RPS6KA5: variants seen among roughly 807,000 people sequenced by gnomAD.
RPS6KA5 encodes the protein ribosomal protein S6 kinase A5.
A neutral mutation model predicts 85.5 loss-of-function variants in RPS6KA5; 27 were observed. That is an observed-to-expected ratio of 0.32 (90% CI 0.23 to 0.44). The LOEUF (loss-of-function observed/expected upper bound fraction) is 0.44. Among genes scored for constraint, RPS6KA5 ranks in the 20% least tolerant of loss-of-function variants. The pLI is 1.00. For synonymous variants in RPS6KA5, 334 were observed against 348.2 expected, an observed-to-expected ratio of 0.96 and a Z score of 0.46; for missense variants, 811 against 980.9, an observed-to-expected ratio of 0.83 and a Z score of 2.31.
At chr14:90,981,483 A>T (rs2039786757) in intron 2 of RPS6KA5, among the ~76,000 whole-genome samples, 1 of 152,244 alleles carries the variant, frequency 6.6e-6, no homozygotes, top group African/African-American at 2.4e-5. Flanking sequence ...TGCATGAAGT[A>T]GCATAGGATG....
At position 90,868,148 on chromosome 14, in the gene RPS6KA5, A is replaced by G. The variant is rs2032881414; in HGVS notation, c.*3926T>C. 1.3e-5 allele frequency: 2 copies of G among 152,236 alleles called. No individual in the cohort carries two copies. Among genetic ancestry groups the G allele is most frequent in the Admixed American group, 6.5e-5 (1 of 15,284 alleles). The allele number at this position is 152,236 out of a possible 1,614,324, so 9.4% of individuals were successfully genotyped here. On this transcript the variant is annotated 3_prime_UTR_variant, in exon 17 of 17. Coordinates refer to ENST00000614987, the MANE Select transcript of RPS6KA5 (RefSeq NM_004755.4). ...GAAGTTACTTAACAAAACAGGGAAT[A>G]AAACCTTTAATGTTGGCTGTAGCAG...
chr14:91,021,824 T>C (rs1021762618), intron 1 of RPS6KA5, among the ~76,000 whole-genome samples: 2 of 152,184 alleles, frequency 1.3e-5, no homozygotes, highest in Non-Finnish European at 1.5e-5. Flanking sequence ...TCTTTTTCTT[T>C]CTCTCTTTCT....
intron 1 of RPS6KA5, chr14:91,052,529 T>C (rs564388682): frequency 2.0e-5 from 4 of 202,538 alleles, no homozygotes; most frequent in East Asian, 1.8e-4. Flanking sequence ...ACTAATCAAA[T>C]AGATAAGATC....
chr14:91,045,421 G>A (rs2042829856), intron 1 of RPS6KA5, among the ~76,000 whole-genome samples: 3 of 152,004 alleles, frequency 2.0e-5, no homozygotes, highest in African/African-American at 4.8e-5. Context: ...CTGCCATCAT[G>A]CCTGGCTAAT....
At chr14:90,882,188 T>C (rs966463390) in intron 14 of RPS6KA5, among the ~76,000 whole-genome samples, 6 of 152,352 alleles carry the variant, frequency 3.9e-5, no homozygotes, top group Middle Eastern at 6.8e-3. Flanking sequence ...GGATTACATT[T>C]ACTATCCTAA....
chr14:90,875,135 A>C, intron 15 of RPS6KA5, 66 bp downstream of exon 15: 2 of 1,415,416 alleles, frequency 1.4e-6, no homozygotes, highest in Non-Finnish European at 1.9e-6. Flanking sequence ...ATGTATGTGT[A>C]ATGGCCATGA....
intron 3 of RPS6KA5, among the ~76,000 whole-genome samples, chr14:90,976,074 C>T (rs2039552682): frequency 6.6e-6 from 1 of 151,964 alleles, no homozygotes; most frequent in African/African-American, 2.4e-5. Flanking sequence ...TGATTAAGGA[C>T]TACTGTTTTC....
In RPS6KA5 at chr14:91,028,018, T is replaced by G. The variant is rs547426799; in HGVS notation, c.104-26859A>C. 2.6e-5 allele frequency among the ~76,000 whole-genome samples: 4 copies of G among 152,258 alleles called. No homozygotes were observed. In the South Asian group the frequency reaches 8.3e-4, roughly 32 times the overall value. On this transcript the variant is annotated intron_variant, in intron 1 of 16. Transcript: ENST00000614987. ...ATATAAAAACTACAATGACTTAACA[T>G]TAAAATCAAACATATCAAGTTCTAA...
At chr14:90,907,137 T>C (rs1051750826) in intron 7 of RPS6KA5, among the ~76,000 whole-genome samples, 1 of 152,178 alleles carries the variant, frequency 6.6e-6, no homozygotes, top group Non-Finnish European at 1.5e-5. Flanking sequence ...TTGACTGAAA[T>C]TAAGAACCTT....
intron 5 of RPS6KA5, among the ~76,000 whole-genome samples, chr14:90,929,111 TA>T: frequency 6.6e-6 from 1 of 152,014 alleles, no homozygotes; most frequent in South Asian, 2.1e-4. Flanking sequence ...AATTTACTTA[TA>T]ACAATAAAGA....
chr14:90,945,280 T>C (rs1320906173), intron 4 of RPS6KA5, among the ~76,000 whole-genome samples: 3 of 152,090 alleles, frequency 2.0e-5, no homozygotes, highest in African/African-American at 4.8e-5. Flanking sequence ...ACAAAAGTAC[T>C]AGGCAATTTT....
intron 1 of RPS6KA5, among the ~76,000 whole-genome samples, chr14:91,004,488 T>G (rs2040924119): frequency 6.6e-6 from 1 of 152,226 alleles, no homozygotes; most frequent in Non-Finnish European, 1.5e-5. Flanking sequence ...TAACATTCCT[T>G]TGGTTCTTGT....
At chr14:90,916,386 C>T (rs546150238) in intron 7 of RPS6KA5, among the ~76,000 whole-genome samples, 2 of 152,182 alleles carry the variant, frequency 1.3e-5, no homozygotes, top group South Asian at 2.1e-4. Flanking sequence ...TTCTAGGCTA[C>T]CTGTAGACAA....
intron 2 of RPS6KA5, among the ~76,000 whole-genome samples, chr14:90,990,556 A>G (rs1356286008): frequency 1.3e-5 from 2 of 152,244 alleles, no homozygotes; most frequent in East Asian, 3.8e-4. Context: ...AAATCATTCT[A>G]CCAAAAAGAC....
intron 2 of RPS6KA5, among the ~76,000 whole-genome samples, chr14:90,988,867 T>C (rs2040183524): frequency 6.6e-6 from 1 of 152,198 alleles, no homozygotes; most frequent in South Asian, 2.1e-4. Flanking sequence ...CCATTTGACA[T>C]GTTATGCTTA....
At position 90,855,653 on chromosome 14, in the gene RPS6KA5, G is replaced by C. The variant is rs1488255106; in HGVS notation, c.*16421C>G. ...GACAGAGTCTTGCTCTGTTGCCCAG[G>C]CTGGAGTGCAGTGGCGCGATCTCGG... On this transcript the variant is annotated 3_prime_UTR_variant, in exon 17 of 17. Coordinates refer to ENST00000614987, the MANE Select transcript of RPS6KA5 (RefSeq NM_004755.4). 1 of 147,148 alleles carries C rather than the reference G, an allele frequency of 6.8e-6. No homozygotes were observed. Among genetic ancestry groups the C allele is most frequent in the African/African-American group, 2.5e-5 (1 of 39,596 alleles). 9.1% of individuals were successfully genotyped at this position (147,148 alleles called of 1,614,324 possible).
chr14:90,900,522 T>C (rs2035105168), intron 10 of RPS6KA5, 89 bp downstream of exon 10: 1 of 1,341,152 alleles, frequency 7.5e-7, no homozygotes, highest in African/African-American at 1.5e-5. Context: ...TTTAGTTGAA[T>C]TACTAGACTT....
In RPS6KA5 at chr14:90,900,320, A is replaced by G. The variant is rs559584786; in HGVS notation, c.1246-79T>C. ...GATCAATAAAATTGTAGAGTAAAAT[A>G]AAATTATTAATATTAATAAACAGGA... On this transcript the variant is annotated intron_variant, in intron 10 of 16. Transcript: ENST00000614987. 4.3e-5 allele frequency: 43 copies of G among 1,010,324 alleles called. No individual in the cohort carries two copies. The African/African-American group carries it at 5.9e-4, about 14-fold the overall frequency. The allele number at this position is 1,010,324 out of a possible 1,614,324, so 62.6% of individuals were successfully genotyped here. A position where few individuals can be genotyped will look rare whatever the true frequency, so the allele number is the denominator to read the frequency against.
chr14:91,034,668 G>T (rs974371189), intron 1 of RPS6KA5, among the ~76,000 whole-genome samples: 2 of 152,274 alleles, frequency 1.3e-5, no homozygotes, highest in African/African-American at 4.8e-5. Flanking sequence ...CAACCTGCTC[G>T]GGTCCCCTTT....
Sources: allele counts gnomAD v4.1 joint callset (sites outside exome capture counted in the v4.1 genomes callset), GRCh38; gene constraint gnomAD v4.1.1; transcripts MANE v1.5; gene names NCBI Gene and HGNC (gene_info 2026-07-23, HGNC 2026-07-21).